The following XKR9 variants were observed in gnomAD, a reference collection of about 807,000 sequenced individuals.
XKR9 encodes the protein XK related 9, also known as XK-related protein 9.
Under a neutral mutation model 32.0 loss-of-function variants are expected in XKR9, and 32 were observed. The ratio of observed to expected loss-of-function variants is 1.00; its 90% CI spans 0.76 to 1.34. XKR9 has a LOEUF of 1.34. Ranked by LOEUF, XKR9 falls within the 40% of genes most tolerant of loss-of-function variation. The probability of loss-of-function intolerance (pLI) is 0.00; values close to 1 mark genes in which losing one functional copy is unlikely to be tolerated. For missense variants in XKR9, 546 were observed against 429.7 expected (o/e 1.27, Z -2.39); for synonymous variants, 168 against 143.4 (o/e 1.17, Z -1.22).
chr8:70,919,331 A>G, the XKR9 span, among the ~76,000 whole-genome samples: 12,752 of 152,268 alleles, frequency 0.084, 611 homozygotes, highest in African/African-American at 0.097. Flanking sequence ...GAGATGCTCA[A>G]TAAATGATAG....
intron 2 of XKR9, among the ~76,000 whole-genome samples, chr8:70,783,521 C>T (rs969277128): frequency 6.6e-6 from 1 of 152,120 alleles, no homozygotes; most frequent in Non-Finnish European, 1.5e-5. Flanking sequence ...TCTATTTAGG[C>T]CCCATGCCCA....
At chr8:70,778,623 C>T (rs1807567487) in intron 2 of XKR9, among the ~76,000 whole-genome samples, 1 of 151,884 alleles carries the variant, frequency 6.6e-6, no homozygotes. Flanking sequence ...TTTTATTTTG[C>T]TGAGCAGTGG....
chr8:70,696,910 G>A (rs1299007361), intron 3 of XKR9, among the ~76,000 whole-genome samples: 1 of 149,452 alleles, frequency 6.7e-6, no homozygotes, highest in Non-Finnish European at 1.5e-5. Context: ...TCCCTTGTAA[G>A]TTGGATTCCT....
the XKR9 span, among the ~76,000 whole-genome samples, chr8:70,899,574 C>T: frequency 3.3e-5 from 5 of 151,998 alleles, no homozygotes; most frequent in African/African-American, 9.7e-5. Context: ...CATCTTTAAG[C>T]TTGGGCTCTC....
chr8:71,005,902 A>G, the XKR9 span, among the ~76,000 whole-genome samples: 1 of 152,260 alleles, frequency 6.6e-6, no homozygotes, highest in East Asian at 1.9e-4. Context: ...CTTTACATTT[A>G]GGATTTTATT....
the XKR9 span, among the ~76,000 whole-genome samples, chr8:70,938,974 T>C: frequency 4.7e-5 from 3 of 64,484 alleles, no homozygotes; most frequent in Non-Finnish European, 8.1e-5. Flanking sequence ...GAGGTGGGCT[T>C]TTTTTTTTTT....
At chr8:71,033,484 T>G in the XKR9 span, among the ~76,000 whole-genome samples, 18 of 152,124 alleles carry the variant, frequency 1.2e-4, no homozygotes, top group Non-Finnish European at 2.6e-4. Flanking sequence ...ATGGTTTGGA[T>G]GTGGTTTGTC....
chr8:70,741,516 A>C (rs1806982104), intron 2 of XKR9, among the ~76,000 whole-genome samples: 1 of 152,210 alleles, frequency 6.6e-6, no homozygotes, highest in Admixed American at 6.5e-5. Flanking sequence ...TTACTGGCTT[A>C]GTTCGTTGAG....
the XKR9 span, among the ~76,000 whole-genome samples, chr8:70,987,921 C>T: frequency 3.9e-5 from 6 of 152,318 alleles, no homozygotes; most frequent in Non-Finnish European, 8.8e-5. Context: ...CACTCACAGT[C>T]TCAACACCAC....
chr8:71,017,588 G>A, the XKR9 span, among the ~76,000 whole-genome samples: 4 of 152,282 alleles, frequency 2.6e-5, no homozygotes, highest in African/African-American at 9.6e-5. Flanking sequence ...AACTCTAAGG[G>A]GTGTTGATGG....
chr8:70,815,417 G>A, the XKR9 span, among the ~76,000 whole-genome samples: 2 of 152,252 alleles, frequency 1.3e-5, no homozygotes, highest in South Asian at 4.1e-4. Flanking sequence ...GTGAGAACAT[G>A]TGGTATTTGG....
the XKR9 span, among the ~76,000 whole-genome samples, chr8:70,801,705 C>T: frequency 6.6e-6 from 1 of 152,116 alleles, no homozygotes; most frequent in African/African-American, 2.4e-5. Context: ...AAGTTCAGAT[C>T]TCAAATATCT....
the XKR9 span, among the ~76,000 whole-genome samples, chr8:70,921,320 T>C: frequency 6.6e-6 from 1 of 152,166 alleles, no homozygotes; most frequent in Non-Finnish European, 1.5e-5. Flanking sequence ...GGACCCTCCA[T>C]GATGAAGGGA....
In XKR9 at chr8:70,674,845, TGAAGATTTTTCCA is replaced by T. The variant is rs1818830872; in HGVS notation, c.-328_-316del. On this transcript the variant is annotated 5_prime_UTR_variant, in exon 2 of 5. The change creates a premature stop within an existing upstream ORF in the 5' untranslated region. Transcript: ENST00000408926. ...AAGAAGAAGTAAAATATTCACAAGA[TGAAGATTTTTCCA>T]GAAGGGACTTTGAGTCAAAGATGGC... 6.6e-6 allele frequency: 1 copy of T among 152,214 alleles called. No individual in the cohort carries two copies. The highest frequency in any genetic ancestry group is 2.4e-5 in the African/African-American group (1 of 41,462). 9.4% of individuals were successfully genotyped at this position (152,214 alleles called of 1,614,324 possible).
chr8:70,943,801 A>G, the XKR9 span, among the ~76,000 whole-genome samples: 1 of 152,184 alleles, frequency 6.6e-6, no homozygotes, highest in Admixed American at 6.5e-5. Flanking sequence ...GGCATTTTAA[A>G]TTAAATTAAA....
chr8:70,954,885 G>T, the XKR9 span, among the ~76,000 whole-genome samples: 1 of 152,180 alleles, frequency 6.6e-6, no homozygotes, highest in East Asian at 1.9e-4. Context: ...TTTCCTGAGA[G>T]ATTCTTTCCC....
chr8:70,867,472 A>G, the XKR9 span, among the ~76,000 whole-genome samples: 1 of 152,000 alleles, frequency 6.6e-6, no homozygotes, highest in East Asian at 1.9e-4. Flanking sequence ...TTCTCTTTTG[A>G]GATGAAGTCT....
intron 4 of XKR9, among the ~76,000 whole-genome samples, chr8:70,731,629 C>A (rs1238604237): frequency 6.6e-6 from 1 of 152,200 alleles, no homozygotes; most frequent in Non-Finnish European, 1.5e-5. Flanking sequence ...CTCAAATTTT[C>A]TCCTCTTGGT....
At chr8:71,040,799 T>G in the XKR9 span, among the ~76,000 whole-genome samples, 1 of 152,166 alleles carries the variant, frequency 6.6e-6, no homozygotes, top group Admixed American at 6.5e-5. Context: ...CTATAAAATA[T>G]TCATTTAAAT....
Sources: gnomAD v4.1 joint callset for allele counts (sites outside exome capture counted in the v4.1 genomes callset) on GRCh38, gnomAD v4.1.1 for gene constraint, MANE v1.5 for transcripts, NCBI Gene and HGNC (gene_info 2026-07-23, HGNC 2026-07-21) for gene names.